TRRAP: variants seen among roughly 807,000 people sequenced by gnomAD.
The protein encoded by TRRAP is transformation/transcription domain-associated protein.
TRRAP carries 41 observed loss-of-function variants against 438.8 expected under a neutral mutation model. That is an observed-to-expected ratio of 0.09 (90% CI 0.07 to 0.12). TRRAP has a LOEUF of 0.12. TRRAP is among the 10% of genes least tolerant of loss of function. TRRAP has a pLI of 1.00. For synonymous variants in TRRAP, 1,994 were observed against 1,962.9 expected (o/e 1.02, Z -0.42); for missense variants, 3,122 against 5,055.1 (o/e 0.62, Z 11.60).
intron 58 of TRRAP, among the ~76,000 whole-genome samples, chr7:98,980,792 G>A (rs551804609): frequency 6.6e-6 from 1 of 152,230 alleles, no homozygotes. Flanking sequence ...GGTGGCTCAC[G>A]CCTGTGATCC....
At chr7:98,879,411 G>A (rs1016226762) in intron 1 of TRRAP, among the ~76,000 whole-genome samples, 4 of 152,158 alleles carry the variant, frequency 2.6e-5, no homozygotes, top group Non-Finnish European at 5.9e-5. Flanking sequence ...GGGTCCCCTG[G>A]GATGGGGATG....
At chr7:99,008,692 CTT>C (rs1225626599) in intron 70 of TRRAP, 131 bp downstream of exon 70, 1 of 958,064 alleles carries the variant, frequency 1.0e-6, no homozygotes, top group Non-Finnish European at 1.5e-6. Context: ...TTTAAAGTAA[CTT>C]TATTAGACTC....
At chr7:98,945,201 G>T (rs1324547298) in intron 31 of TRRAP, among the ~76,000 whole-genome samples, 2 of 152,102 alleles carry the variant, frequency 1.3e-5, no homozygotes, top group Non-Finnish European at 2.9e-5. Flanking sequence ...AGGGGAGAAC[G>T]CGTGACCACT....
rs747199001 is a variant in TRRAP, at chr7:98,978,898, G to C, written c.8628G>C (p.Leu2876=). 1 of 1,614,014 alleles carries C rather than the reference G, an allele frequency of 6.2e-7. No homozygotes were observed. The highest frequency in any genetic ancestry group is 1.1e-5 in the South Asian group (1 of 91,090). The change falls in exon 58 of 73, where the codon CTG becomes CTC. Residue 2876 remains leucine, a synonymous_variant. Transcript: ENST00000456197. The part of the protein sequence containing the change: ...VSNWTAMKEA[L]VQVEVSCPKE... ...ACTGGACTGCCATGAAGGAGGCGCTGGTGCAGGTGAGACGCCCCGGGGGCA... is the reference window on the plus strand; with the variant it reads ...ACTGGACTGCCATGAAGGAGGCGCTCGTGCAGGTGAGACGCCCCGGGGGCA...
chr7:98,949,598 C>G lies in TRRAP; in HGVS notation c.4953+17C>G, dbSNP rs782154170. ...GCCATCAAGGTAGCGCCCCTTCCTC[C>G]AGCCCCCAATGCCCAGGGGTTTAAT... On this transcript the variant is annotated intron_variant, in intron 36 of 72. Transcript: ENST00000456197. 1.3e-6 allele frequency: 2 copies of G among 1,585,416 alleles called. No homozygotes were observed. The highest frequency in any genetic ancestry group is 3.6e-5 in the Admixed American group (2 of 56,036).
intron 23 of TRRAP, among the ~76,000 whole-genome samples, chr7:98,929,081 G>A (rs1032128615): frequency 7.2e-5 from 11 of 152,020 alleles, no homozygotes; most frequent in Non-Finnish European, 1.2e-4. Context: ...TGGGATTACA[G>A]GCACCTACCA....
intron 30 of TRRAP, among the ~76,000 whole-genome samples, chr7:98,940,756 C>T (rs182888126): frequency 7.7e-4 from 118 of 152,270 alleles, no homozygotes; most frequent in African/African-American, 2.4e-3. Flanking sequence ...GGTGCCTTTG[C>T]GCTTAGTGGC....
intron 30 of TRRAP, among the ~76,000 whole-genome samples, chr7:98,942,645 C>G (rs1790848301): frequency 6.6e-6 from 1 of 152,238 alleles, no homozygotes; most frequent in South Asian, 2.1e-4. Context: ...GGAGCCGACA[C>G]TTCCAAGCAC....
Position 98,948,454 on chromosome 7 carries a change from A to G in TRRAP, c.4669-112A>G, listed in dbSNP as rs782004758. 6.4e-5 allele frequency: 103 copies of G among 1,609,544 alleles called. No individual in the cohort carries two copies. Among genetic ancestry groups the G allele is most frequent in the Non-Finnish European group, 8.3e-5 (98 of 1,177,832 alleles). Reference sequence around the variant, plus strand: ...CAGCATAAAGACGTTCGATGTCAACATTTGCTTGTGGGTGTTCATGCACTC... The same window carrying G: ...CAGCATAAAGACGTTCGATGTCAACGTTTGCTTGTGGGTGTTCATGCACTC... On this transcript the variant is annotated intron_variant, in intron 34 of 72. Coordinates refer to ENST00000456197, the MANE Select transcript of TRRAP (RefSeq NM_001375524.1). This position sits in a 1 kb window ranked among gnomAD's most constrained non-coding sequence, Gnocchi z 4.9.
Position 99,005,192 on chromosome 7 carries a change from C to T in TRRAP, c.10597C>T (p.Arg3533Trp). 5 of 1,613,872 alleles carry T rather than the reference C, an allele frequency of 3.1e-6. No individual in the cohort carries two copies. The highest frequency in any genetic ancestry group is 1.3e-5 in the African/African-American group (1 of 74,938). Reference protein sequence around the residue: ...HNTAARRLYIRGHNGKIYPYL... With the variant: ...HNTAARRLYIWGHNGKIYPYL... ...CACCGCAGCCCGGCGGCTGTACATC[C>T]GGGGACACAATGGCAAGATCTACCC... Residue 3533 changes from arginine (R) to tryptophan (W), a missense_variant, in exon 69 of 73, where the codon CGG becomes TGG. Coordinates refer to ENST00000456197, the MANE Select transcript of TRRAP (RefSeq NM_001375524.1). The surrounding 1 kb of genome is among the most constrained non-coding windows in gnomAD (Gnocchi z 5.1).
intron 45 of TRRAP, among the ~76,000 whole-genome samples, chr7:98,959,762 A>G (rs1791794064): frequency 1.3e-5 from 2 of 151,922 alleles, no homozygotes; most frequent in African/African-American, 4.8e-5. Context: ...CAATTCTACA[A>G]AAGAGAAGAC....
intron 30 of TRRAP, among the ~76,000 whole-genome samples, chr7:98,942,309 G>C (rs1790831754): frequency 6.6e-6 from 1 of 152,172 alleles, no homozygotes; most frequent in African/African-American, 2.4e-5. Context: ...CCCTTCCCTA[G>C]GGTCCCCATT....
rs1451416119 is a variant in TRRAP at position 98,878,571 on chromosome 7, G to C, written c.-128G>C. On this transcript the variant is annotated 5_prime_UTR_variant, in exon 1 of 73. Transcript: ENST00000456197. ...CTGCGCGCGGCCGAGCGGTTGCGAC[G>C]AGGGCTCGGCTGGGGGTCGCCGGGG... is the stretch of plus-strand genomic sequence containing the variant. 2 of 151,146 alleles carry C rather than the reference G, an allele frequency of 1.3e-5. No homozygotes were observed. Among genetic ancestry groups the C allele is most frequent in the Non-Finnish European group, 3.0e-5 (2 of 67,750 alleles). 9.4% of individuals were successfully genotyped at this position (151,146 alleles called of 1,614,324 possible).
At chr7:98,961,503 C>A in intron 46 of TRRAP, 29 bp downstream of exon 46, 1 of 1,608,316 alleles carries the variant, frequency 6.2e-7, no homozygotes, top group African/African-American at 1.3e-5. Context: ...CGGTGCTTTT[C>A]TTTCAAAGTG....
chr7:98,959,241 A>G, intron 44 of TRRAP, 103 bp from the exon 45 acceptor site: 1 of 1,480,586 alleles, frequency 6.8e-7, no homozygotes, highest in Non-Finnish European at 9.2e-7. Flanking sequence ...TGAAGATCTG[A>G]GACAGGTGTA....
chr7:99,000,822 G>A (rs1793888095), intron 67 of TRRAP, among the ~76,000 whole-genome samples: 1 of 152,244 alleles, frequency 6.6e-6, no homozygotes, highest in South Asian at 2.1e-4. Flanking sequence ...CCTGTCTCGA[G>A]TTTGGGGGAT....
At chr7:99,010,032 T>C (rs1794360185) in intron 70 of TRRAP, among the ~76,000 whole-genome samples, 1 of 151,946 alleles carries the variant, frequency 6.6e-6, no homozygotes, top group Non-Finnish European at 1.5e-5. Context: ...GGATTATAGG[T>C]GCCTGTGACC....
chr7:98,979,523 G>A (rs1288382714), intron 58 of TRRAP, among the ~76,000 whole-genome samples: 2 of 152,122 alleles, frequency 1.3e-5, no homozygotes, highest in Non-Finnish European at 2.9e-5. Flanking sequence ...TCCATCCACA[G>A]TTGGTCAAAT....
In TRRAP at chr7:99,011,762, G is replaced by A. The variant is rs1794437566; in HGVS notation, c.11337+227G>A. Among the ~76,000 whole-genome samples, 1 of 152,404 alleles carries A rather than the reference G, an allele frequency of 6.6e-6. No individual in the cohort carries two copies. Reference sequence around the variant, plus strand: ...CGGGCCTGCCTGACACTCGGCAGATGCCGGAAGGTGTCAAGTGAACAAATA... The same window carrying A: ...CGGGCCTGCCTGACACTCGGCAGATACCGGAAGGTGTCAAGTGAACAAATA... On this transcript the variant is annotated intron_variant, in intron 72 of 72. Coordinates refer to ENST00000456197, the MANE Select transcript of TRRAP (RefSeq NM_001375524.1). This position sits in a 1 kb window ranked among gnomAD's most constrained non-coding sequence, Gnocchi z 7.1.
Sources: gnomAD v4.1 joint callset for allele counts (sites outside exome capture counted in the v4.1 genomes callset) on GRCh38, gnomAD v4.1.1 for gene constraint, Gnocchi (gnomAD v3.1) non-coding constraint, MANE v1.5 for transcripts, NCBI Gene and HGNC (gene_info 2026-07-23, HGNC 2026-07-21) for gene names.